Variants in FBXL7 observed in about 807,000 individuals in gnomAD.
FBXL7 encodes F-box/LRR-repeat protein 7.
Under a neutral mutation model 38.3 loss-of-function variants are expected in FBXL7, and 12 were observed. The observed-to-expected ratio is 0.31, with a 90% CI of 0.20 to 0.51. The LOEUF (loss-of-function observed/expected upper bound fraction) is 0.51. Ranked by LOEUF, FBXL7 falls within the 20% of genes least tolerant of loss-of-function variation. The pLI is 0.98. For synonymous variants in FBXL7, 297 were observed against 300.9 expected, an observed-to-expected ratio of 0.99 and a Z score of 0.13; for missense variants, 567 against 676.4, an observed-to-expected ratio of 0.84 and a Z score of 1.79.
At chr5:15,647,890 A>C (rs1741583488) in intron 2 of FBXL7, among the ~76,000 whole-genome samples, 5 of 152,260 alleles carry the variant, frequency 3.3e-5, no homozygotes, top group African/African-American at 7.2e-5. Flanking sequence ...CAGTGTCTGC[A>C]CCAGAATTTG....
Position 15,633,770 on chromosome 5 carries a change from TA to T in FBXL7, c.127+17699del, listed in dbSNP as rs1225659127. 5.7e-5 allele frequency among the ~76,000 whole-genome samples: 8 copies of T among 140,956 alleles called. No homozygotes were observed. The East Asian group carries it at 1.7e-3, about 30-fold the overall frequency. The allele number at this position is 140,956 out of a possible 152,430, so 92.5% of individuals were successfully genotyped here. ...TTATTATTATTATTATTATTATTAT[TA>T]TTATTATTTTATTATTTTATTATTT... On this transcript the variant is annotated intron_variant, in intron 2 of 3. Coordinates refer to ENST00000504595, the MANE Select transcript of FBXL7 (RefSeq NM_012304.5).
chr5:15,669,399 T>C (rs566442940), intron 2 of FBXL7, among the ~76,000 whole-genome samples: 1 of 152,324 alleles, frequency 6.6e-6, no homozygotes, highest in South Asian at 2.1e-4. Flanking sequence ...TGCTGTGCTC[T>C]GACCCAACAG....
intron 2 of FBXL7, among the ~76,000 whole-genome samples, chr5:15,920,452 G>A (rs1451554759): frequency 2.6e-5 from 4 of 152,110 alleles, no homozygotes; most frequent in African/African-American, 9.7e-5. Context: ...AATGTCTATT[G>A]CTGTATATTC....
chr5:15,680,589 C>T (rs1742810695), intron 2 of FBXL7, among the ~76,000 whole-genome samples: 1 of 151,930 alleles, frequency 6.6e-6, no homozygotes, highest in Non-Finnish European at 1.5e-5. Context: ...GGGAAAACAA[C>T]TGTAAAGATG....
intron 2 of FBXL7, among the ~76,000 whole-genome samples, chr5:15,816,370 G>A (rs1201118486): frequency 1.3e-5 from 2 of 152,028 alleles, no homozygotes; most frequent in Admixed American, 6.6e-5. Context: ...GCCATTATTC[G>A]AAGAGAAGTA....
At chr5:15,902,010 C>A (rs1450226264) in intron 2 of FBXL7, among the ~76,000 whole-genome samples, 1 of 152,166 alleles carries the variant, frequency 6.6e-6, no homozygotes, top group African/African-American at 2.4e-5. Context: ...ATATAATAGG[C>A]CCCATAAACA....
intron 1 of FBXL7, among the ~76,000 whole-genome samples, chr5:15,511,551 A>G (rs922047912): frequency 9.9e-5 from 15 of 152,252 alleles, no homozygotes; most frequent in Non-Finnish European, 1.9e-4. Flanking sequence ...AGCAGATGCT[A>G]TGGGGAATTA....
At chr5:15,636,006 A>G (rs1741177648) in intron 2 of FBXL7, among the ~76,000 whole-genome samples, 1 of 151,670 alleles carries the variant, frequency 6.6e-6, no homozygotes. Flanking sequence ...TAGCAAGGTT[A>G]GTAGAGAATT....
intron 2 of FBXL7, among the ~76,000 whole-genome samples, chr5:15,758,543 G>T (rs964903271): frequency 2.0e-5 from 3 of 151,950 alleles, no homozygotes; most frequent in African/African-American, 7.3e-5. Flanking sequence ...ACAAAGGGCC[G>T]GATAGATATA....
At chr5:15,869,583 G>T (rs941636282) in intron 2 of FBXL7, among the ~76,000 whole-genome samples, 2 of 151,934 alleles carry the variant, frequency 1.3e-5, no homozygotes, top group Admixed American at 6.6e-5. Flanking sequence ...TCTCTAAATA[G>T]CAGATCCCTA....
intron 1 of FBXL7, among the ~76,000 whole-genome samples, chr5:15,542,169 C>T (rs879705357): frequency 1.4e-4 from 22 of 152,088 alleles, no homozygotes; most frequent in Middle Eastern, 3.4e-3. Flanking sequence ...CACTTTATAC[C>T]GTGATGTGTC....
rs375238216 is a variant in FBXL7 at position 15,545,101 on chromosome 5, A to T, written c.37+44388A>T. Among the ~76,000 whole-genome samples the T allele has an allele frequency of 2.3e-4, 35 of 152,272 alleles. No homozygotes were observed. In the East Asian group the frequency reaches 5.6e-3, roughly 24 times the overall value. ...TCTGATCCATGGGAATCTCCTTAGAACAATTAGGAAGACTTAAGCTTATTT... is the reference window on the plus strand; with the variant it reads ...TCTGATCCATGGGAATCTCCTTAGATCAATTAGGAAGACTTAAGCTTATTT... On this transcript the variant is annotated intron_variant, in intron 1 of 3. Coordinates refer to ENST00000504595, the MANE Select transcript of FBXL7 (RefSeq NM_012304.5).
chr5:15,769,040 C>T (rs796128729), intron 2 of FBXL7, among the ~76,000 whole-genome samples: 2 of 152,242 alleles, frequency 1.3e-5, no homozygotes, highest in South Asian at 4.2e-4. Flanking sequence ...CATACATTGT[C>T]CTAATTCCAT....
intron 1 of FBXL7, among the ~76,000 whole-genome samples, chr5:15,608,208 G>C (rs1032331883): frequency 6.6e-6 from 1 of 152,048 alleles, no homozygotes; most frequent in African/African-American, 2.4e-5. Context: ...TCATAGTGTG[G>C]GTTCTCACAG....
chr5:15,804,859 C>T (rs543617613), intron 2 of FBXL7, among the ~76,000 whole-genome samples: 9 of 152,284 alleles, frequency 5.9e-5, no homozygotes, highest in South Asian at 4.1e-4. Context: ...TCCGCCAAAC[C>T]GTGGAAAAAC....
intron 2 of FBXL7, among the ~76,000 whole-genome samples, chr5:15,690,358 A>G (rs1743145381): frequency 6.6e-6 from 1 of 152,222 alleles, no homozygotes; most frequent in Admixed American, 6.5e-5. Flanking sequence ...AGTTAACACT[A>G]TAGATTTGTG....
chr5:15,598,221 C>T (rs34379089), intron 1 of FBXL7, among the ~76,000 whole-genome samples: 4,336 of 152,244 alleles, frequency 0.028, 79 homozygotes, highest in Non-Finnish European at 0.042. Flanking sequence ...AACTGTTTTC[C>T]AGCCTTATCA....
chr5:15,694,734 G>C (rs1579384453), intron 2 of FBXL7, among the ~76,000 whole-genome samples: 2 of 152,260 alleles, frequency 1.3e-5, no homozygotes, highest in East Asian at 3.9e-4. Context: ...ACGTGCTTCA[G>C]CTAAGCCTGG....
intron 2 of FBXL7, among the ~76,000 whole-genome samples, chr5:15,834,802 T>C (rs1015232778): frequency 5.3e-5 from 8 of 152,222 alleles, no homozygotes; most frequent in Non-Finnish European, 1.2e-4. Flanking sequence ...GCCTTGAGGC[T>C]GAAAACCTAG....
Sources: allele counts gnomAD v4.1 joint callset (sites outside exome capture counted in the v4.1 genomes callset), GRCh38; gene constraint gnomAD v4.1.1; transcripts MANE v1.5; gene names NCBI Gene and HGNC (gene_info 2026-07-23, HGNC 2026-07-21).